FGF12: variants seen among roughly 807,000 people sequenced by gnomAD.
FGF12 encodes the protein fibroblast growth factor 12B.
FGF12 carries 14 observed loss-of-function variants against 23.6 expected under a neutral mutation model. The ratio of observed to expected loss-of-function variants is 0.59; its 90% confidence interval spans 0.39 to 0.93. The LOEUF (loss-of-function observed/expected upper bound fraction) is 0.93. Ranked by LOEUF, FGF12 falls within the 40% of genes least tolerant of loss-of-function variation. The pLI, the probability that FGF12 is intolerant of heterozygous loss-of-function variation, is 0.00. For missense variants in FGF12, 175 were observed against 217.8 expected (o/e 0.80, Z 1.24); for synonymous variants, 62 against 77.3 (o/e 0.80, Z 1.04).
intron 4 of FGF12, among the ~76,000 whole-genome samples, chr3:192,244,467 A>G (rs1333966959): frequency 2.0e-5 from 3 of 152,150 alleles, no homozygotes; most frequent in Non-Finnish European, 2.9e-5. Context: ...TTTTCTAACA[A>G]AGAGAGGTAA....
In FGF12 at chr3:192,575,405, G is replaced by C. The variant is rs562738928; in HGVS notation, c.13+151776C>G. 3.3e-5 allele frequency among the ~76,000 whole-genome samples: 5 copies of C among 152,322 alleles called. No individual in the cohort carries two copies. In the East Asian group the frequency reaches 9.6e-4, roughly 29 times the overall value. ...TGATCAAAGCATTGGCATTGGCCCT[G>C]TCCTAATGTACTTCAGTTTGGAATA... On this transcript the variant is annotated intron_variant, in intron 2 of 5. Coordinates refer to ENST00000445105, the MANE Select transcript of FGF12 (RefSeq NM_004113.6).
chr3:192,628,552 C>T (rs893441280), intron 2 of FGF12, among the ~76,000 whole-genome samples: 2 of 146,948 alleles, frequency 1.4e-5, no homozygotes, highest in Non-Finnish European at 3.0e-5. Flanking sequence ...TTCATTCCAA[C>T]CAAAGTTTCA....
intron 2 of FGF12, among the ~76,000 whole-genome samples, chr3:192,641,708 C>T (rs573889501): frequency 8.3e-4 from 126 of 152,212 alleles, no homozygotes; most frequent in African/African-American, 2.9e-3. Context: ...GCCTGGCCGG[C>T]CTTTCACATT....
intron 4 of FGF12, among the ~76,000 whole-genome samples, chr3:192,223,067 T>C (rs1251241347): frequency 6.6e-6 from 1 of 152,124 alleles, no homozygotes; most frequent in Non-Finnish European, 1.5e-5. Context: ...TATTAATATT[T>C]TCAAAGCAAA....
At chr3:192,284,899 C>G (rs372237005) in intron 4 of FGF12, among the ~76,000 whole-genome samples, 18 of 151,974 alleles carry the variant, frequency 1.2e-4, no homozygotes, top group Non-Finnish European at 1.3e-4. Flanking sequence ...GCACTAGGCT[C>G]TTATCAGATT....
chr3:192,487,719 T>C (rs907331340), intron 2 of FGF12, among the ~76,000 whole-genome samples: 6 of 152,178 alleles, frequency 3.9e-5, no homozygotes, highest in Admixed American at 2.6e-4. Context: ...ATTTTATGTG[T>C]AACCTCTTGG....
chr3:192,417,562 T>C (rs149303579), intron 2 of FGF12, among the ~76,000 whole-genome samples: 2 of 152,248 alleles, frequency 1.3e-5, no homozygotes, highest in East Asian at 1.9e-4. Context: ...ATAATCTCAA[T>C]GTCACCTTAA....
At chr3:192,685,063 T>A (rs1417569552) in intron 2 of FGF12, among the ~76,000 whole-genome samples, 1 of 152,192 alleles carries the variant, frequency 6.6e-6, no homozygotes, top group Non-Finnish European at 1.5e-5. Context: ...TAGTATCTTT[T>A]TTTTTTGAGA....
At chr3:192,158,279 G>T (rs1714547374) in intron 5 of FGF12, among the ~76,000 whole-genome samples, 1 of 151,662 alleles carries the variant, frequency 6.6e-6, no homozygotes, top group Non-Finnish European at 1.5e-5. Context: ...CCCCTCCACA[G>T]ACTCAGGAAA....
intron 2 of FGF12, among the ~76,000 whole-genome samples, chr3:192,366,284 C>T (rs1281714124): frequency 6.6e-6 from 1 of 152,136 alleles, no homozygotes; most frequent in Admixed American, 6.6e-5. Flanking sequence ...AAATATGTAT[C>T]TATATAACCT....
At position 192,295,240 on chromosome 3, in the gene FGF12, T is replaced by C. The variant is rs532097647; in HGVS notation, c.228+40121A>G. On this transcript the variant is annotated intron_variant, in intron 4 of 5. Transcript: ENST00000445105. ...TTTTTGGTGTGGGTCAGTGGCAGGATTGGAACTAGTAATTGGATTTCCGCA... is the reference window on the plus strand; with the variant it reads ...TTTTTGGTGTGGGTCAGTGGCAGGACTGGAACTAGTAATTGGATTTCCGCA... Among the ~76,000 whole-genome samples the C allele has an allele frequency of 2.6e-4, 40 of 152,310 alleles. No individual in the cohort carries two copies. The East Asian group carries it at 7.0e-3, about 26-fold the overall frequency.
At chr3:192,385,322 A>G (rs1222554745) in intron 2 of FGF12, among the ~76,000 whole-genome samples, 1 of 152,080 alleles carries the variant, frequency 6.6e-6, no homozygotes, top group Non-Finnish European at 1.5e-5. Flanking sequence ...CACAGCACAC[A>G]CTTTTAAGGT....
intron 2 of FGF12, among the ~76,000 whole-genome samples, chr3:192,518,752 C>G (rs1724739641): frequency 6.6e-6 from 1 of 152,120 alleles, no homozygotes; most frequent in Non-Finnish European, 1.5e-5. Context: ...GGGCACAAAA[C>G]CATGCCTGTA....
intron 2 of FGF12, among the ~76,000 whole-genome samples, chr3:192,509,478 ACT>A (rs1724406730): frequency 6.6e-6 from 1 of 152,156 alleles, no homozygotes; most frequent in Non-Finnish European, 1.5e-5. Context: ...AATGGAGATA[ACT>A]CTTCCTCTCC....
chr3:192,445,326 T>C (rs1401989228), intron 2 of FGF12, among the ~76,000 whole-genome samples: 1 of 152,216 alleles, frequency 6.6e-6, no homozygotes, highest in Non-Finnish European at 1.5e-5. Context: ...TAGCATCTAG[T>C]TGATTCTCTT....
At chr3:192,424,238 C>T (rs779008701) in intron 2 of FGF12, among the ~76,000 whole-genome samples, 2 of 152,140 alleles carry the variant, frequency 1.3e-5, no homozygotes, top group Non-Finnish European at 2.9e-5. Flanking sequence ...GAATTTCTCA[C>T]ACTGGTTTAT....
chr3:192,292,157 C>T (rs1177445798), intron 4 of FGF12, among the ~76,000 whole-genome samples: 1 of 152,106 alleles, frequency 6.6e-6, no homozygotes, highest in Admixed American at 6.6e-5. Context: ...GTTTGTTCAG[C>T]GTGTTATAAG....
At chr3:192,727,441 G>T (rs1577144737) in intron 1 of FGF12, 43 bp downstream of exon 1, 3 of 1,033,100 alleles carry the variant, frequency 2.9e-6, no homozygotes, top group Admixed American at 2.9e-5. Context: ...ATACTGAAAT[G>T]CATGCACAGT....
chr3:192,725,746 T>C (rs1046564069), intron 2 of FGF12, among the ~76,000 whole-genome samples: 3 of 152,206 alleles, frequency 2.0e-5, no homozygotes, highest in African/African-American at 7.2e-5. Flanking sequence ...AGTAAAATGA[T>C]ATTCTTTTTC....
Sources: allele counts gnomAD v4.1 joint callset (sites outside exome capture counted in the v4.1 genomes callset), GRCh38; gene constraint gnomAD v4.1.1; transcripts MANE v1.5; gene names NCBI Gene and HGNC (gene_info 2026-07-23, HGNC 2026-07-21).